UBXN7: variants seen among roughly 807,000 people sequenced by gnomAD.
UBXN7 encodes the protein UBX domain-containing protein 7.
UBXN7 carries 9 observed loss-of-function variants against 58.0 expected under a neutral mutation model. The observed-to-expected ratio is 0.16, with a 90% CI of 0.09 to 0.27. The LOEUF (loss-of-function observed/expected upper bound fraction) is 0.27, where lower values mean the gene tolerates loss of function less well. Among genes scored for constraint, UBXN7 ranks in the 10% least tolerant of loss-of-function variants. The pLI is 1.00. For synonymous variants in UBXN7, 208 were observed against 205.0 expected (o/e 1.01, Z -0.12); for missense variants, 328 against 599.6 (o/e 0.55, Z 4.73).
chr3:196,427,038 G>A (rs769264766), intron 1 of UBXN7, among the ~76,000 whole-genome samples: 22 of 152,080 alleles, frequency 1.4e-4, no homozygotes, highest in Non-Finnish European at 2.2e-4. Flanking sequence ...ATGAATTTCC[G>A]TACCAGTAAC....
At chr3:196,375,183 C>CCACACACACACACACACA (rs56188527) in intron 5 of UBXN7, among the ~76,000 whole-genome samples, 1 of 139,732 alleles carries the variant, frequency 7.2e-6, no homozygotes, top group African/African-American at 2.7e-5. Flanking sequence ...GGTGCTCTTA[C>CCACACACACACACACACA]CACACACACA....
intron 9 of UBXN7, 141 bp downstream of exon 9, chr3:196,362,153 C>T (rs1282195856): frequency 2.5e-6 from 3 of 1,203,182 alleles, no homozygotes. Context: ...GCCACCACAC[C>T]TGGCTAAGTT....
intron 1 of UBXN7, among the ~76,000 whole-genome samples, chr3:196,412,453 G>C (rs867341217): frequency 1.3e-5 from 2 of 152,102 alleles, no homozygotes; most frequent in Admixed American, 1.3e-4. Context: ...TGAGCATGTG[G>C]AGAAACTGGA....
chr3:196,369,567 T>C, intron 6 of UBXN7, 56 bp from the exon 7 acceptor site: 1 of 1,310,684 alleles, frequency 7.6e-7, no homozygotes, highest in African/African-American at 1.5e-5. Flanking sequence ...GAACCAACTA[T>C]AACCTTCTTA....
In UBXN7 at chr3:196,380,051, C is replaced by T. The variant is rs189421094; in HGVS notation, c.469-8009G>A. Among the ~76,000 whole-genome samples the T allele has an allele frequency of 1.6e-3, 240 of 152,172 alleles. 3 individuals carry two copies. In the Middle Eastern group the frequency reaches 0.037, roughly 24 times the overall value. On this transcript the variant is annotated intron_variant, in intron 5 of 10. Coordinates refer to ENST00000296328, the MANE Select transcript of UBXN7 (RefSeq NM_015562.2). ...GATCACGAGGTCAGGAGATCGAGAC[C>T]ATCCTGGCTACCAGGGTGAAACCAC...
intron 1 of UBXN7, among the ~76,000 whole-genome samples, chr3:196,408,985 C>T (rs998787252): frequency 4.6e-5 from 7 of 152,226 alleles, no homozygotes; most frequent in Admixed American, 1.3e-4. Flanking sequence ...ATCGTTGTCT[C>T]GCCCCCTCCA....
chr3:196,422,993 A>G (rs963674812), intron 1 of UBXN7, among the ~76,000 whole-genome samples: 2 of 152,232 alleles, frequency 1.3e-5, no homozygotes, highest in African/African-American at 2.4e-5. Context: ...AAGAAGCCAG[A>G]CTCAAAAGGT....
Position 196,349,035 on chromosome 3 carries a change from T to A in UBXN7, c.*7650A>T, listed in dbSNP as rs2108820547. The A allele has an allele frequency of 1.3e-5, 2 of 152,304 alleles. No individual in the cohort carries two copies. Among genetic ancestry groups the A allele is most frequent in the South Asian group, 4.1e-4 (2 of 4,830 alleles). 9.4% of individuals were successfully genotyped at this position (152,304 alleles called of 1,614,324 possible). A position where few individuals can be genotyped will look rare whatever the true frequency, so the allele number is the denominator to read the frequency against. Reference sequence around the variant, plus strand: ...AAAACCATTCTGGAAAAAAAGATTATCAGAGGAGTGAAGAAAACCGTGTCT... The same window carrying A: ...AAAACCATTCTGGAAAAAAAGATTAACAGAGGAGTGAAGAAAACCGTGTCT... On this transcript the variant is annotated 3_prime_UTR_variant, in exon 11 of 11. Coordinates refer to ENST00000296328, the MANE Select transcript of UBXN7 (RefSeq NM_015562.2).
chr3:196,375,733 TAA>T (rs1241719497), intron 5 of UBXN7, among the ~76,000 whole-genome samples: 1 of 152,084 alleles, frequency 6.6e-6, no homozygotes, highest in Non-Finnish European at 1.5e-5. Context: ...GAAGGCATGA[TAA>T]AAAAGGATTT....
In UBXN7 at chr3:196,387,923, C is replaced by A. The variant is rs1285622758; in HGVS notation, c.468+3890G>T. Among the ~76,000 whole-genome samples the A allele has an allele frequency of 2.0e-5, 3 of 152,088 alleles. No homozygotes were observed. In the East Asian group the frequency reaches 5.8e-4, roughly 29 times the overall value. Reference sequence around the variant, plus strand: ...ATCTAGAACTAGAATTACCATTTGACCCAGCAATCCTATTACTGGGTATAT... The same window carrying A: ...ATCTAGAACTAGAATTACCATTTGAACCAGCAATCCTATTACTGGGTATAT... On this transcript the variant is annotated intron_variant, in intron 5 of 10. Transcript: ENST00000296328.
chr3:196,424,834 C>G (rs944312893), intron 1 of UBXN7, among the ~76,000 whole-genome samples: 2 of 151,392 alleles, frequency 1.3e-5, no homozygotes, highest in African/African-American at 4.9e-5. Flanking sequence ...TCCTGAGTAG[C>G]TGGGATTACA....
chr3:196,380,925 G>A (rs1246016628), intron 5 of UBXN7, among the ~76,000 whole-genome samples: 3 of 152,270 alleles, frequency 2.0e-5, no homozygotes, highest in African/African-American at 7.2e-5. Flanking sequence ...GCCTGGCTGA[G>A]GGAGGGGCGT....
intron 5 of UBXN7, among the ~76,000 whole-genome samples, chr3:196,381,765 C>G (rs556722249): frequency 6.6e-6 from 1 of 152,274 alleles, no homozygotes. Flanking sequence ...GAATTGCTAA[C>G]TAGAATAAAC....
In UBXN7 at chr3:196,354,218, G is replaced by C. The variant is rs941756662; in HGVS notation, c.*2467C>G. 1 of 152,338 alleles carries C rather than the reference G, an allele frequency of 6.6e-6. No individual in the cohort carries two copies. The highest frequency in any genetic ancestry group is 3.4e-3 in the Middle Eastern group (1 of 294). 9.4% of individuals were successfully genotyped at this position (152,338 alleles called of 1,614,324 possible). The stretch of plus-strand genomic sequence containing the variant: ...ATCCCAGCTGCATGTTAAGCTGAGT[G>C]AAAGTACCATGCTGTCTTTTAAATC... On this transcript the variant is annotated 3_prime_UTR_variant, in exon 11 of 11. Coordinates refer to ENST00000296328, the MANE Select transcript of UBXN7 (RefSeq NM_015562.2).
chr3:196,426,862 G>C (rs1443537321), intron 1 of UBXN7, among the ~76,000 whole-genome samples: 5 of 149,498 alleles, frequency 3.3e-5, no homozygotes, highest in Admixed American at 3.3e-4. Flanking sequence ...AAAAAAAAAA[G>C]AACATGAATG....
At chr3:196,427,524 G>C (rs1333488600) in intron 1 of UBXN7, among the ~76,000 whole-genome samples, 1 of 152,210 alleles carries the variant, frequency 6.6e-6, no homozygotes, top group East Asian at 1.9e-4. Context: ...CACCAGGTTG[G>C]CCAGACTGGT....
intron 1 of UBXN7, among the ~76,000 whole-genome samples, chr3:196,419,146 C>G (rs1184791612): frequency 6.6e-6 from 1 of 151,970 alleles, no homozygotes; most frequent in African/African-American, 2.4e-5. Context: ...GGGCGTCCAC[C>G]TACTAGGGAC....
intron 1 of UBXN7, among the ~76,000 whole-genome samples, chr3:196,413,135 A>G (rs1041774419): frequency 2.6e-5 from 4 of 152,016 alleles, no homozygotes; most frequent in Non-Finnish European, 5.9e-5. Flanking sequence ...GAGGTCAGTT[A>G]GAGACCAGCC....
At chr3:196,392,532 G>T (rs1293496040) in intron 4 of UBXN7, among the ~76,000 whole-genome samples, 2 of 151,138 alleles carry the variant, frequency 1.3e-5, no homozygotes, top group African/African-American at 4.9e-5. Flanking sequence ...GCCAGGTGTA[G>T]TGGCGCATGC....
Sources: allele counts gnomAD v4.1 joint callset (sites outside exome capture counted in the v4.1 genomes callset), GRCh38; gene constraint gnomAD v4.1.1; transcripts MANE v1.5; gene names NCBI Gene and HGNC (gene_info 2026-07-23, HGNC 2026-07-21).